The following NAV2 variants were observed in gnomAD, a reference collection of about 807,000 sequenced individuals.
NAV2 encodes the protein helicase, APC down-regulated 1.
A neutral mutation model predicts 223.2 loss-of-function variants in NAV2; 54 were observed. The ratio of observed to expected loss-of-function variants is 0.24; its 90% CI spans 0.19 to 0.30. The LOEUF (loss-of-function observed/expected upper bound fraction) is 0.30, where lower values mean the gene tolerates loss of function less well. Among genes scored for constraint, NAV2 ranks in the 10% least tolerant of loss-of-function variants. NAV2 has a pLI of 1.00. For missense variants in NAV2, 2,806 were observed against 3,147.5 expected, an observed-to-expected ratio of 0.89 and a Z score of 2.60; for synonymous variants, 1,279 against 1,239.3, an observed-to-expected ratio of 1.03 and a Z score of -0.67.
At position 19,939,870 on chromosome 11, in the gene NAV2, C is replaced by T. The variant is rs886704093; in HGVS notation, c.2146+97C>T. The T allele has an allele frequency of 6.9e-6, 5 of 727,080 alleles. No individual in the cohort carries two copies. In the Admixed American group the frequency reaches 1.5e-4, roughly 22 times the overall value. 45.0% of individuals were successfully genotyped at this position (727,080 alleles called of 1,614,324 possible). On this transcript the variant is annotated intron_variant, in intron 8 of 37. Transcript: ENST00000349880. The stretch of plus-strand genomic sequence containing the variant: ...ATGAACCCAGCTTGATTACGAGTTG[C>T]ATTATGTTTGCATTGACTTTGAGCT...
At chr11:20,039,638 A>C (rs1346324453) in intron 12 of NAV2, among the ~76,000 whole-genome samples, 1 of 152,188 alleles carries the variant, frequency 6.6e-6, no homozygotes, top group African/African-American at 2.4e-5. Context: ...GGCTTTAACA[A>C]ACACACGCAA....
rs145156629 is a variant in NAV2, at chr11:19,939,891, G to A, written c.2146+118G>A. 4.0e-4 allele frequency: 232 copies of A among 573,040 alleles called. 1 individual carries two copies. The highest frequency in any genetic ancestry group is 2.4e-3 in the Admixed American group (62 of 25,602). The allele number at this position is 573,040 out of a possible 1,614,324, so 35.5% of individuals were successfully genotyped here. On this transcript the variant is annotated intron_variant, in intron 8 of 37. Coordinates refer to ENST00000349880, the MANE Select transcript of NAV2 (RefSeq NM_145117.5). ...GTTGCATTATGTTTGCATTGACTTTGAGCTAAACAAACTTTCTTTCTTTTT... is the reference window on the plus strand; with the variant it reads ...GTTGCATTATGTTTGCATTGACTTTAAGCTAAACAAACTTTCTTTCTTTTT...
At position 19,933,888 on chromosome 11, in the gene NAV2, G is replaced by A. The variant is rs922042811; in HGVS notation, c.1644G>A (p.Lys548=). 5.0e-6 allele frequency: 8 copies of A among 1,593,862 alleles called. No individual in the cohort carries two copies. Among genetic ancestry groups the A allele is most frequent in the Admixed American group, 3.6e-5 (2 of 55,170 alleles). ...CCAGCTTCATCCCCAAAGGGGGGAA[G>A]CTCAACAGTGCCAAGAAGGAGCCCA... is the stretch of plus-strand genomic sequence containing the variant. ...KIASFIPKGG[K]LNSAKKEPMA... is the part of the protein sequence containing the mutation. Residue 548 remains lysine (K), a synonymous_variant, in exon 7 of 38, where the codon AAG becomes AAA. Transcript: ENST00000349880. The surrounding 1 kb of genome is among the most constrained non-coding windows in gnomAD (Gnocchi z 4.3).
intron 11 of NAV2, among the ~76,000 whole-genome samples, chr11:19,997,395 C>T (rs1565729863): frequency 6.6e-6 from 1 of 152,146 alleles, no homozygotes; most frequent in African/African-American, 2.4e-5. Context: ...GCTCTGGGTA[C>T]ACCAGAAACA....
At chr11:19,740,035 G>A (rs1476236532) in intron 1 of NAV2, among the ~76,000 whole-genome samples, 1 of 152,150 alleles carries the variant, frequency 6.6e-6, no homozygotes, top group African/African-American at 2.4e-5. Context: ...GGCTCCCCCT[G>A]GAGGGCAGCC....
At chr11:19,697,519 T>A (rs1034486910) in intron 1 of NAV2, among the ~76,000 whole-genome samples, 3 of 151,990 alleles carry the variant, frequency 2.0e-5, no homozygotes, top group Non-Finnish European at 4.4e-5. Context: ...TTTTTTTTTT[T>A]ATTTCAGATT....
At chr11:20,051,394 GA>G (rs2057994451) in intron 17 of NAV2, 61 bp downstream of exon 17, 2 of 1,516,094 alleles carry the variant, frequency 1.3e-6, no homozygotes, top group Middle Eastern at 1.7e-4. Flanking sequence ...TTGGCTGTGT[GA>G]CTCCTTCATG....
chr11:20,021,164 C>T (rs2054476244), intron 11 of NAV2, among the ~76,000 whole-genome samples: 1 of 152,204 alleles, frequency 6.6e-6, no homozygotes, highest in African/African-American at 2.4e-5. Context: ...TGCTAATGTA[C>T]TGTAAAATTT....
chr11:19,655,798 T>G (rs1319537647), intron 1 of NAV2, among the ~76,000 whole-genome samples: 2 of 150,768 alleles, frequency 1.3e-5, no homozygotes, highest in African/African-American at 2.4e-5. Context: ...TGTTAAATGA[T>G]GAGTTAATGG....
intron 32 of NAV2, among the ~76,000 whole-genome samples, chr11:20,101,867 C>A (rs1206590738): frequency 6.6e-6 from 1 of 152,176 alleles, no homozygotes; most frequent in African/African-American, 2.4e-5. Flanking sequence ...CATTAGTGAG[C>A]ATTGATGGAT....
chr11:19,956,737 T>C (rs1565640836), intron 10 of NAV2, among the ~76,000 whole-genome samples: 1 of 152,058 alleles, frequency 6.6e-6, no homozygotes, highest in South Asian at 2.1e-4. Flanking sequence ...AGTCCCATAG[T>C]TGAATGTTTT....
chr11:19,417,342 A>G (rs1185358754), intron 1 of NAV2, among the ~76,000 whole-genome samples: 1 of 152,254 alleles, frequency 6.6e-6, no homozygotes, highest in Non-Finnish European at 1.5e-5. Context: ...ACACATGGAA[A>G]AAAGCTCATC....
rs114337641 is a variant in NAV2 at position 19,746,148 on chromosome 11, G to A, written c.267+32186G>A. Among the ~76,000 whole-genome samples, 828 of 152,190 alleles carry A rather than the reference G, an allele frequency of 5.4e-3. 6 individuals are homozygous for A. Among genetic ancestry groups the A allele is most frequent in the African/African-American group, 0.019 (785 of 41,512 alleles). ...ATAGGGTCAGGTCAAATGCAGCCTC[G>A]GCCCACTTCACAGCTTCCAGCACAG... is the stretch of plus-strand genomic sequence containing the variant. On this transcript the variant is annotated intron_variant, in intron 1 of 37. Transcript: ENST00000349880.
intron 10 of NAV2, among the ~76,000 whole-genome samples, chr11:19,971,964 A>T (rs2049288685): frequency 6.6e-6 from 1 of 152,146 alleles, no homozygotes; most frequent in Non-Finnish European, 1.5e-5. Context: ...TGGCCTCCCA[A>T]AGTGCTGGGA....
intron 1 of NAV2, among the ~76,000 whole-genome samples, chr11:19,443,225 T>C (rs1851467254): frequency 6.6e-6 from 1 of 152,214 alleles, no homozygotes; most frequent in Admixed American, 6.5e-5. Flanking sequence ...ATGCCCTCTA[T>C]GCCAGGCCTT....
chr11:20,031,164 A>C (rs1255984916), intron 11 of NAV2, among the ~76,000 whole-genome samples: 1 of 152,174 alleles, frequency 6.6e-6, no homozygotes, highest in Non-Finnish European at 1.5e-5. Flanking sequence ...CGTACACTGT[A>C]GTTCTTTCTG....
intron 1 of NAV2, among the ~76,000 whole-genome samples, chr11:19,556,042 C>A (rs996072842): frequency 6.6e-6 from 1 of 152,178 alleles, no homozygotes; most frequent in South Asian, 2.1e-4. Flanking sequence ...AGCCTTCACT[C>A]TTCTTCAATC....
intron 35 of NAV2, chr11:20,107,428 T>G (rs2153711363): frequency 1.8e-6 from 1 of 547,550 alleles, no homozygotes; most frequent in East Asian, 3.0e-5. Context: ...ACAGTGAGCA[T>G]CTTCCCCATA....
chr11:20,001,976 C>T (rs11603592), intron 11 of NAV2, among the ~76,000 whole-genome samples: 8,079 of 152,242 alleles, frequency 0.053, 245 homozygotes, highest in South Asian at 0.12. Flanking sequence ...AAGCAACAGG[C>T]ACTTCTTTCT....
Sources: gnomAD v4.1 joint callset for allele counts (sites outside exome capture counted in the v4.1 genomes callset) on GRCh38, gnomAD v4.1.1 for gene constraint, Gnocchi (gnomAD v3.1) non-coding constraint, MANE v1.5 for transcripts, NCBI Gene and HGNC (gene_info 2026-07-23, HGNC 2026-07-21) for gene names.